OSBPL8: variants seen among roughly 807,000 people sequenced by gnomAD.
OSBPL8 encodes oxysterol-binding protein-related protein 8.
Under a neutral mutation model 125.5 loss-of-function variants are expected in OSBPL8, and 59 were observed. The ratio of observed to expected loss-of-function variants is 0.47; its 90% confidence interval spans 0.38 to 0.58. The LOEUF is 0.58. Ranked by LOEUF, OSBPL8 falls within the 20% of genes least tolerant of loss-of-function variation. The pLI is 0.00. For synonymous variants in OSBPL8, 330 were observed against 338.9 expected (o/e 0.97, Z 0.29); for missense variants, 758 against 1,047.8 (o/e 0.72, Z 3.82).
In OSBPL8 at chr12:76,559,470, G is replaced by A. The variant is rs1353430239; in HGVS notation, c.-141C>T. Reference sequence around the variant, plus strand: ...AGGTCGCCGCGGCGCCGGGGTCCGAGGCCCCGTAAGCGTCTAGTCAGACCC... The same window carrying A: ...AGGTCGCCGCGGCGCCGGGGTCCGAAGCCCCGTAAGCGTCTAGTCAGACCC... On this transcript the variant is annotated 5_prime_UTR_variant, in exon 1 of 24. Transcript: ENST00000261183. 1 of 152,376 alleles carries A rather than the reference G, an allele frequency of 6.6e-6. No individual in the cohort carries two copies. 9.4% of individuals were successfully genotyped at this position (152,376 alleles called of 1,614,324 possible). A position where few individuals can be genotyped will look rare whatever the true frequency, so the allele number is the denominator to read the frequency against.
chr12:76,471,527 C>A (rs1876134775), intron 2 of OSBPL8, among the ~76,000 whole-genome samples: 1 of 152,168 alleles, frequency 6.6e-6, no homozygotes, highest in Non-Finnish European at 1.5e-5. Context: ...CTCATATCCA[C>A]AGTTACTGCT....
intron 2 of OSBPL8, among the ~76,000 whole-genome samples, chr12:76,475,680 C>T (rs945512854): frequency 1.3e-5 from 2 of 152,154 alleles, no homozygotes; most frequent in African/African-American, 2.4e-5. Context: ...GGTAACAAGT[C>T]CCCACCCGAC....
At chr12:76,435,181 T>C (rs902484908) in intron 4 of OSBPL8, among the ~76,000 whole-genome samples, 4 of 150,082 alleles carry the variant, frequency 2.7e-5, no homozygotes, top group African/African-American at 1.0e-4. Context: ...TGTGTGTGTG[T>C]GTGTGCATAT....
chr12:76,384,281 T>C lies in OSBPL8; in HGVS notation c.1603A>G (p.Ser535Gly). 1 of 1,562,110 alleles carries C rather than the reference T, an allele frequency of 6.4e-7. No homozygotes were observed. The highest frequency in any genetic ancestry group is 8.7e-7 in the Non-Finnish European group (1 of 1,145,814). ...NRKDGFCLSG[S>G]ILAKSKFYGN... ...TAAAACTTAGACTTAGCCAGGATAC[T>C]ACCGCTAAGGCAAAATCCATCTTTT... The change falls in exon 15 of 24, where the codon AGT (serine) becomes GGT (glycine). Residue 535 changes from serine to glycine, a missense_variant. Ser to Gly is a moderately conservative substitution (Grantham distance 56). Coordinates refer to ENST00000261183, the MANE Select transcript of OSBPL8 (RefSeq NM_020841.5).
chr12:76,511,696 T>C (rs1881007641), intron 1 of OSBPL8, among the ~76,000 whole-genome samples: 2 of 152,206 alleles, frequency 1.3e-5, no homozygotes, highest in African/African-American at 4.8e-5. Flanking sequence ...CTGCTGACAG[T>C]TTCTTTTGCT....
At chr12:76,367,988 T>C (rs993420259) in intron 21 of OSBPL8, among the ~76,000 whole-genome samples, 1 of 152,360 alleles carries the variant, frequency 6.6e-6, no homozygotes. Flanking sequence ...AAAATTACAA[T>C]AGCACTAGCT....
intron 21 of OSBPL8, among the ~76,000 whole-genome samples, chr12:76,363,108 T>G (rs1234352968): frequency 1.3e-5 from 2 of 152,188 alleles, no homozygotes; most frequent in Non-Finnish European, 2.9e-5. Context: ...CATACGGCCA[T>G]AAGTAATTTA....
chr12:76,506,949 G>T (rs1880479269), intron 1 of OSBPL8, among the ~76,000 whole-genome samples: 1 of 148,824 alleles, frequency 6.7e-6, no homozygotes, highest in African/African-American at 2.6e-5. Context: ...AGTCTTCTCT[G>T]CTGTTTTAAG....
chr12:76,556,796 T>C (rs1211521032), intron 1 of OSBPL8, among the ~76,000 whole-genome samples: 2 of 152,294 alleles, frequency 1.3e-5, no homozygotes, highest in East Asian at 3.9e-4. Flanking sequence ...CCCAAGTAGC[T>C]GGGATTACAG....
intron 4 of OSBPL8, among the ~76,000 whole-genome samples, chr12:76,441,415 T>C (rs1310164075): frequency 6.6e-6 from 1 of 152,152 alleles, no homozygotes; most frequent in East Asian, 1.9e-4. Context: ...TATACAAATA[T>C]TACTTAACAA....
chr12:76,513,831 T>C (rs1195553740), intron 1 of OSBPL8, among the ~76,000 whole-genome samples: 2 of 150,426 alleles, frequency 1.3e-5, no homozygotes, highest in Non-Finnish European at 3.0e-5. Context: ...TGTCATTACA[T>C]GTGAGGTGAG....
chr12:76,401,227 G>C (rs1954040382), intron 6 of OSBPL8, among the ~76,000 whole-genome samples: 1 of 152,126 alleles, frequency 6.6e-6, no homozygotes, highest in African/African-American at 2.4e-5. Flanking sequence ...GGAAAACACT[G>C]TCTTTTCAGA....
chr12:76,384,100 A>T (rs950958112), intron 15 of OSBPL8, among the ~76,000 whole-genome samples, 154 bp downstream of exon 15: 10 of 152,158 alleles, frequency 6.6e-5, no homozygotes, highest in African/African-American at 2.4e-4. Context: ...ACCTTTATTT[A>T]TGAGTGGGCA....
chr12:76,486,189 A>G (rs1273692936), intron 2 of OSBPL8: 1 of 303,394 alleles, frequency 3.3e-6, no homozygotes, highest in Admixed American at 4.3e-5. Context: ...GAATTCAAGA[A>G]AGGCTGGGAC....
chr12:76,536,299 C>T (rs185961584), intron 1 of OSBPL8, among the ~76,000 whole-genome samples: 3 of 151,328 alleles, frequency 2.0e-5, no homozygotes, highest in Admixed American at 2.0e-4. Flanking sequence ...CCTGCCTGGC[C>T]AACATGGTGA....
intron 4 of OSBPL8, among the ~76,000 whole-genome samples, chr12:76,444,105 G>T (rs561708890): frequency 6.6e-6 from 1 of 152,140 alleles, no homozygotes; most frequent in South Asian, 2.1e-4. Context: ...AACAAAACCA[G>T]AGTGCAAAAA....
chr12:76,378,690 TATTC>T, intron 15 of OSBPL8, 140 bp from the exon 16 acceptor site: 1 of 614,210 alleles, frequency 1.6e-6, no homozygotes, highest in Non-Finnish European at 2.9e-6. Context: ...CCCAAACATG[TATTC>T]ATTACCTTAT....
At chr12:76,397,508 T>TCAAAA (rs1953862461) in intron 8 of OSBPL8, among the ~76,000 whole-genome samples, 186 bp downstream of exon 8, 1 of 152,062 alleles carries the variant, frequency 6.6e-6, no homozygotes, top group Non-Finnish European at 1.5e-5. Context: ...AAGTTAGACC[T>TCAAAA]CAAAGGTAAA....
chr12:76,527,142 T>C (rs1229781616), intron 1 of OSBPL8, among the ~76,000 whole-genome samples: 3 of 151,318 alleles, frequency 2.0e-5, no homozygotes, highest in African/African-American at 7.3e-5. Context: ...GCTGACATAA[T>C]CACTGCAATG....
Sources: gnomAD v4.1 joint callset for allele counts (sites outside exome capture counted in the v4.1 genomes callset) on GRCh38, gnomAD v4.1.1 for gene constraint, MANE v1.5 for transcripts, NCBI Gene and HGNC (gene_info 2026-07-23, HGNC 2026-07-21) for gene names.